MRAP2: variants seen among roughly 807,000 people sequenced by gnomAD.
MRAP2 encodes melanocortin 2 receptor accessory protein 2.
A neutral mutation model predicts 17.4 loss-of-function variants in MRAP2; 20 were observed. The ratio of observed to expected loss-of-function variants is 1.15; its 90% CI spans 0.81 to 1.67. The LOEUF (loss-of-function observed/expected upper bound fraction) is 1.67, where lower values mean the gene tolerates loss of function less well. Ranked by LOEUF, MRAP2 falls within the 40% of genes most tolerant of loss-of-function variation. The pLI is 0.00. For synonymous variants in MRAP2, 96 were observed against 88.4 expected, an observed-to-expected ratio of 1.09 and a Z score of -0.48; for missense variants, 238 against 240.0, an observed-to-expected ratio of 0.99 and a Z score of 0.05.
chr6:84,061,025 C>G (rs1189250135), intron 2 of MRAP2, among the ~76,000 whole-genome samples: 1 of 151,840 alleles, frequency 6.6e-6, no homozygotes, highest in African/African-American at 2.4e-5. Context: ...TGCCTCATTT[C>G]TACTATATTA....
At chr6:84,138,679 AAAGT>A in the MRAP2 span, among the ~76,000 whole-genome samples, 1 of 151,680 alleles carries the variant, frequency 6.6e-6, no homozygotes, top group Non-Finnish European at 1.5e-5. Context: ...AGATATTCTT[AAAGT>A]AAGAACTGTC....
chr6:84,125,229 T>G, the MRAP2 span: 2 of 1,613,578 alleles, frequency 1.2e-6, no homozygotes, highest in Non-Finnish European at 1.7e-6. Context: ...ATTTTTCAAC[T>G]TCTTTGTTTT....
chr6:84,083,585 A>G (rs992771609), intron 3 of MRAP2, among the ~76,000 whole-genome samples: 1 of 152,206 alleles, frequency 6.6e-6, no homozygotes, highest in East Asian at 1.9e-4. Flanking sequence ...CTTGATGAAC[A>G]GTAAACCCGG....
chr6:84,124,951 G>T, the MRAP2 span: 1 of 757,292 alleles, frequency 1.3e-6, no homozygotes, highest in Non-Finnish European at 2.2e-6. Flanking sequence ...TGTTGCTTTG[G>T]TTGTTTGCTT....
intron 3 of MRAP2, among the ~76,000 whole-genome samples, chr6:84,071,296 ATTTG>A (rs745720161): frequency 1.1e-4 from 16 of 152,104 alleles, no homozygotes; most frequent in Non-Finnish European, 8.8e-5. Context: ...TTCTCTCAGC[ATTTG>A]TTTGTCTGAA....
At chr6:84,126,685 A>G in the MRAP2 span, among the ~76,000 whole-genome samples, 2 of 152,180 alleles carry the variant, frequency 1.3e-5, no homozygotes, top group African/African-American at 4.8e-5. Context: ...GGTTCCTCCT[A>G]ACTCTGAGTT....
the MRAP2 span, among the ~76,000 whole-genome samples, chr6:84,105,905 A>C: frequency 1.3e-5 from 2 of 152,072 alleles, no homozygotes; most frequent in Non-Finnish European, 2.9e-5. Context: ...CAGAAAGTAA[A>C]AATTTTGCTA....
chr6:84,045,282 G>A (rs2099488679), intron 1 of MRAP2: 5 of 985,220 alleles, frequency 5.1e-6, no homozygotes, highest in Non-Finnish European at 6.0e-6. Context: ...ATAAGGTGTT[G>A]GTGGAGCTGT....
the MRAP2 span, among the ~76,000 whole-genome samples, chr6:84,113,946 T>C: frequency 7.9e-4 from 120 of 152,282 alleles, 2 homozygotes; most frequent in South Asian, 2.1e-3. Context: ...TGCCGAGAGA[T>C]CTGTTAGTCT....
At chr6:84,132,605 A>G in the MRAP2 span, among the ~76,000 whole-genome samples, 1 of 152,116 alleles carries the variant, frequency 6.6e-6, no homozygotes, top group African/African-American at 2.4e-5. Flanking sequence ...ATCTTCAATC[A>G]CTGATACCCT....
the MRAP2 span, among the ~76,000 whole-genome samples, chr6:84,127,331 T>TA: frequency 6.6e-6 from 1 of 152,070 alleles, no homozygotes; most frequent in Non-Finnish European, 1.5e-5. Flanking sequence ...ATACTAATAC[T>TA]AAAAAATCCC....
chr6:84,088,625 T>C (rs935165085), intron 3 of MRAP2, among the ~76,000 whole-genome samples: 1 of 152,172 alleles, frequency 6.6e-6, no homozygotes, highest in Non-Finnish European at 1.5e-5. Flanking sequence ...TATGAGACAG[T>C]ATTATTGTTT....
chr6:84,061,982 G>C (rs969290855), intron 2 of MRAP2: 2 of 985,166 alleles, frequency 2.0e-6, no homozygotes, highest in African/African-American at 3.5e-5. Context: ...ACAGGGAAAG[G>C]CAGAAGGCAG....
At chr6:84,126,975 T>C in the MRAP2 span, among the ~76,000 whole-genome samples, 1 of 152,188 alleles carries the variant, frequency 6.6e-6, no homozygotes, top group Non-Finnish European at 1.5e-5. Flanking sequence ...ATGGCCCTTA[T>C]CACTTTATAA....
chr6:84,074,023 G>A (rs192308419), intron 3 of MRAP2, among the ~76,000 whole-genome samples: 16 of 152,156 alleles, frequency 1.1e-4, no homozygotes, highest in African/African-American at 3.9e-4. Context: ...ACAGAAGTGA[G>A]CAGACTGTGG....
chr6:84,133,538 G>A, the MRAP2 span, among the ~76,000 whole-genome samples: 1 of 152,190 alleles, frequency 6.6e-6, no homozygotes, highest in African/African-American at 2.4e-5. Context: ...TGGCCACTTT[G>A]TTTACCTACT....
the MRAP2 span, among the ~76,000 whole-genome samples, chr6:84,119,132 T>G: frequency 6.6e-6 from 1 of 152,260 alleles, no homozygotes; most frequent in African/African-American, 2.4e-5. Flanking sequence ...TGAGCTTTGC[T>G]CTTTTTGCTT....
chr6:84,115,736 G>T, the MRAP2 span, among the ~76,000 whole-genome samples: 1 of 152,228 alleles, frequency 6.6e-6, no homozygotes, highest in Non-Finnish European at 1.5e-5. Context: ...CTCCTGGTCT[G>T]CAGGTCGTGA....
chr6:84,115,606 G>A, the MRAP2 span, among the ~76,000 whole-genome samples: 4 of 151,984 alleles, frequency 2.6e-5, no homozygotes, highest in African/African-American at 4.8e-5. Flanking sequence ...CTGGTGTTCC[G>A]GGCACCACTG....
Sources: allele counts gnomAD v4.1 joint callset (sites outside exome capture counted in the v4.1 genomes callset), GRCh38; gene constraint gnomAD v4.1.1; transcripts MANE v1.5; gene names NCBI Gene and HGNC (gene_info 2026-07-23, HGNC 2026-07-21).